The following DGKB variants were observed in gnomAD, a reference collection of about 807,000 sequenced individuals.
DGKB encodes diacylglycerol kinase beta, also known as 90 kDa diacylglycerol kinase.
DGKB carries 67 observed loss-of-function variants against 114.3 expected under a neutral mutation model. The ratio of observed to expected loss-of-function variants is 0.59; its 90% CI spans 0.48 to 0.72. The LOEUF is 0.72. Ranked by LOEUF, DGKB falls within the 30% of genes least tolerant of loss-of-function variation. The probability of loss-of-function intolerance (pLI) is 0.00; values close to 1 mark genes in which losing one functional copy is unlikely to be tolerated. For missense variants in DGKB, 907 were observed against 975.2 expected, an observed-to-expected ratio of 0.93 and a Z score of 0.93; for synonymous variants, 398 against 323.1, an observed-to-expected ratio of 1.23 and a Z score of -2.49.
chr7:14,160,585 G>C (rs1373742269), intron 25 of DGKB, among the ~76,000 whole-genome samples: 1 of 152,150 alleles, frequency 6.6e-6, no homozygotes, highest in East Asian at 1.9e-4. Context: ...TCTTCAAGGA[G>C]AACTACAAAC....
intron 23 of DGKB, among the ~76,000 whole-genome samples, chr7:14,267,381 G>A (rs187153918): frequency 6.6e-6 from 1 of 152,234 alleles, no homozygotes; most frequent in African/African-American, 2.4e-5. Context: ...GTGCTAAGAT[G>A]CCAAGTGATC....
chr7:14,801,888 A>G (rs11981783), intron 2 of DGKB, among the ~76,000 whole-genome samples: 18 of 149,914 alleles, frequency 1.2e-4, no homozygotes, highest in South Asian at 4.2e-4. Context: ...GTGTGTGTGT[A>G]TATATATATA....
At chr7:14,872,828 G>A (rs1251392959) in intron 1 of DGKB, among the ~76,000 whole-genome samples, 2 of 148,790 alleles carry the variant, frequency 1.3e-5, no homozygotes, top group South Asian at 2.1e-4. Flanking sequence ...TATTTATAAT[G>A]TATATAATAT....
At chr7:14,789,113 C>A (rs1356225638) in intron 2 of DGKB, among the ~76,000 whole-genome samples, 1 of 151,712 alleles carries the variant, frequency 6.6e-6, no homozygotes, top group African/African-American at 2.4e-5. Context: ...TTTGAGATAA[C>A]TGCAGATTCA....
In DGKB at chr7:14,471,210, A is replaced by G. The variant is rs75195964; in HGVS notation, c.1835+6951T>C. ...ATACATATATGTATGGAATATATGT[A>G]TATATACATATATATGTATGGAATA... On this transcript the variant is annotated intron_variant, in intron 21 of 25. Transcript: ENST00000402815. 1.4e-3 allele frequency among the ~76,000 whole-genome samples: 169 copies of G among 123,458 alleles called. 33 individuals carry two copies. Among genetic ancestry groups the G allele is most frequent in the African/African-American group, 5.7e-3 (141 of 24,588 alleles). 81.0% of individuals were successfully genotyped at this position (123,458 alleles called of 152,430 possible). A position where few individuals can be genotyped will look rare whatever the true frequency, so the allele number is the denominator to read the frequency against.
chr7:14,642,417 A>G (rs1811986163), intron 13 of DGKB, among the ~76,000 whole-genome samples: 1 of 152,132 alleles, frequency 6.6e-6, no homozygotes, highest in African/African-American at 2.4e-5. Context: ...CTTTAATACC[A>G]AAAGGCACTT....
chr7:14,963,143 C>A lies in DGKB; in HGVS notation c.-188+11553G>T, dbSNP rs571979333. On this transcript the variant is annotated intron_variant, in intron 1 of 4. Transcript: ENST00000437998. ...AAGGATGCTTATCCCATAACCCCAG[C>A]TTTAAAAATACATGAGCAGAAACGT... Among the ~76,000 whole-genome samples, 3 of 152,214 alleles carry A rather than the reference C, an allele frequency of 2.0e-5. No homozygotes were observed. In the East Asian group the frequency reaches 5.8e-4, roughly 29 times the overall value.
At chr7:14,468,311 C>G (rs947264287) in intron 21 of DGKB, among the ~76,000 whole-genome samples, 2 of 152,008 alleles carry the variant, frequency 1.3e-5, no homozygotes, top group African/African-American at 4.8e-5. Context: ...TAGAGGGTCT[C>G]TTCTGTCTCC....
At chr7:14,686,598 T>A (rs2128978375) in intron 9 of DGKB, among the ~76,000 whole-genome samples, 2 of 152,302 alleles carry the variant, frequency 1.3e-5, no homozygotes, top group Middle Eastern at 6.8e-3. Flanking sequence ...TCAGATCATC[T>A]TGTTTCTCTT....
intron 23 of DGKB, among the ~76,000 whole-genome samples, chr7:14,218,547 A>G (rs1289642101): frequency 2.6e-5 from 4 of 152,074 alleles, no homozygotes; most frequent in Non-Finnish European, 5.9e-5. Flanking sequence ...CAAAGGCCAA[A>G]TGCTAATGGA....
At chr7:14,214,437 T>A (rs2128312802) in intron 23 of DGKB, among the ~76,000 whole-genome samples, 1 of 152,162 alleles carries the variant, frequency 6.6e-6, no homozygotes, top group Admixed American at 6.6e-5. Context: ...GGAGAAAAAA[T>A]CTGCTTTGGT....
At chr7:14,177,474 G>A (rs901841628) in intron 24 of DGKB, among the ~76,000 whole-genome samples, 5 of 139,796 alleles carry the variant, frequency 3.6e-5, no homozygotes, top group Non-Finnish European at 7.5e-5. Context: ...AAGAATCCTT[G>A]AAACTGGAAG....
intron 6 of DGKB, among the ~76,000 whole-genome samples, chr7:14,702,317 G>A (rs1825336818): frequency 6.6e-6 from 1 of 152,056 alleles, no homozygotes; most frequent in East Asian, 1.9e-4. Flanking sequence ...AAGCAGTATG[G>A]GCGAGGAAGG....
chr7:14,631,178 T>C (rs1478594198), intron 13 of DGKB, among the ~76,000 whole-genome samples: 1 of 144,890 alleles, frequency 6.9e-6, no homozygotes, highest in Non-Finnish European at 1.5e-5. Flanking sequence ...CAGTGCTAGA[T>C]CACCAAGATG....
chr7:14,295,153 G>C (rs1395653937), intron 23 of DGKB, among the ~76,000 whole-genome samples: 1 of 152,032 alleles, frequency 6.6e-6, no homozygotes, highest in Non-Finnish European at 1.5e-5. Flanking sequence ...GTTCTCTATC[G>C]ATATCTACTG....
At chr7:14,560,597 C>T (rs1796514714) in intron 20 of DGKB, among the ~76,000 whole-genome samples, 1 of 152,118 alleles carries the variant, frequency 6.6e-6, no homozygotes, top group African/African-American at 2.4e-5. Flanking sequence ...TCTTCTTTAT[C>T]CATTCATCTG....
At position 14,273,215 on chromosome 7, in the gene DGKB, G is replaced by A. The variant is rs186248018; in HGVS notation, c.2122+65300C>T. 6.1e-3 allele frequency among the ~76,000 whole-genome samples: 928 copies of A among 152,124 alleles called. 14 individuals are homozygous for A. Among genetic ancestry groups the A allele is most frequent in the African/African-American group, 0.021 (887 of 41,498 alleles). On this transcript the variant is annotated intron_variant, in intron 23 of 25. Transcript: ENST00000402815. ...CAAAAAATTAGCTGGGCATGGTGGG[G>A]CAATCCCGTAGTCCCAGCTACTCAG...
At chr7:14,485,598 A>T (rs1783678655) in intron 20 of DGKB, among the ~76,000 whole-genome samples, 1 of 152,094 alleles carries the variant, frequency 6.6e-6, no homozygotes, top group South Asian at 2.1e-4. Context: ...TCAAAAGCAG[A>T]TTTTAAATAG....
At chr7:14,233,334 C>G (rs1049241121) in intron 23 of DGKB, among the ~76,000 whole-genome samples, 3 of 152,078 alleles carry the variant, frequency 2.0e-5, no homozygotes. Context: ...GTCAAAGTCT[C>G]TCTGTCTCTC....
Sources: allele counts gnomAD v4.1 joint callset (sites outside exome capture counted in the v4.1 genomes callset), GRCh38; gene constraint gnomAD v4.1.1; transcripts MANE v1.5; gene names NCBI Gene and HGNC (gene_info 2026-07-23, HGNC 2026-07-21).